SULT1B1: variants seen among roughly 807,000 people sequenced by gnomAD.
SULT1B1 encodes sulfotransferase family 1B member 1, also known as sulfotransferase 1B1.
A neutral mutation model predicts 34.6 loss-of-function variants in SULT1B1; 28 were observed. That is an observed-to-expected ratio of 0.81 (90% CI 0.60 to 1.11). The LOEUF (loss-of-function observed/expected upper bound fraction) is 1.11. Among genes scored for constraint, SULT1B1 ranks in the 50% least tolerant of loss-of-function variants. The pLI, the probability that SULT1B1 is intolerant of heterozygous loss-of-function variation, is 0.00. For synonymous variants in SULT1B1, 147 were observed against 110.2 expected (o/e 1.33, Z -2.09); for missense variants, 374 against 352.2 (o/e 1.06, Z -0.50).
intron 4 of SULT1B1, among the ~76,000 whole-genome samples, chr4:69,734,828 CTTT>C (rs71604563): frequency 2.2e-5 from 3 of 135,676 alleles, no homozygotes; most frequent in Admixed American, 7.4e-5. Context: ...CTTCGCTACT[CTTT>C]TTTTTTTTTT....
intron 4 of SULT1B1, among the ~76,000 whole-genome samples, chr4:69,737,093 G>GA (rs994941251): frequency 6.6e-5 from 10 of 150,820 alleles, no homozygotes; most frequent in Admixed American, 4.6e-4. Context: ...AAAACTCTTA[G>GA]AAAAAAAAGC....
Position 69,735,019 on chromosome 4 carries a change from C to T in SULT1B1, c.376-755G>A, listed in dbSNP as rs1022402195. 2.0e-5 allele frequency among the ~76,000 whole-genome samples: 3 copies of T among 151,928 alleles called. 1 individual carries two copies. Among genetic ancestry groups the T allele is most frequent in the Admixed American group, 1.3e-4 (2 of 15,252 alleles). The stretch of plus-strand genomic sequence containing the variant: ...ATTTTTAGTAGAGACGGGGTTTCAC[C>T]ATGTTAGCCAGGATGGTCTCGATCT... On this transcript the variant is annotated intron_variant, in intron 4 of 7. Coordinates refer to ENST00000310613, the MANE Select transcript of SULT1B1 (RefSeq NM_014465.4).
In SULT1B1 at chr4:69,723,747, G is replaced by C. The variant is rs1717723893; in HGVS notation, c.*3341C>G. ...TATGCAAATCAATAAATGTAATCCAGCATATAAACAGAACCAAAGACAAAA... is the reference window on the plus strand; with the variant it reads ...TATGCAAATCAATAAATGTAATCCACCATATAAACAGAACCAAAGACAAAA... On this transcript the variant is annotated 3_prime_UTR_variant, in exon 8 of 8. Coordinates refer to ENST00000310613, the MANE Select transcript of SULT1B1 (RefSeq NM_014465.4). 6.6e-6 allele frequency: 1 copy of C among 152,082 alleles called. No homozygotes were observed. Among genetic ancestry groups the C allele is most frequent in the Non-Finnish European group, 1.5e-5 (1 of 68,014 alleles). The allele number at this position is 152,082 out of a possible 1,614,324, so 9.4% of individuals were successfully genotyped here.
intron 3 of SULT1B1, 35 bp from the exon 4 acceptor site, chr4:69,749,853 A>C: frequency 6.6e-7 from 1 of 1,518,988 alleles, no homozygotes; most frequent in Non-Finnish European, 9.1e-7. Flanking sequence ...GAAATATTAG[A>C]GTCTCCAGAA....
At chr4:69,759,212 T>C (rs570844554) in intron 1 of SULT1B1, among the ~76,000 whole-genome samples, 1 of 152,326 alleles carries the variant, frequency 6.6e-6, no homozygotes, top group East Asian at 1.9e-4. Context: ...AAACAGATCT[T>C]CAGAGCGTCT....
At chr4:69,742,921 C>T (rs1718607090) in intron 4 of SULT1B1, among the ~76,000 whole-genome samples, 1 of 152,220 alleles carries the variant, frequency 6.6e-6, no homozygotes, top group African/African-American at 2.4e-5. Flanking sequence ...CTGGACCAGG[C>T]ACACCATAAA....
rs1717791705 is a variant in SULT1B1, at chr4:69,725,260, A to G, written c.*1828T>C. On this transcript the variant is annotated 3_prime_UTR_variant, in exon 8 of 8. Coordinates refer to ENST00000310613, the MANE Select transcript of SULT1B1 (RefSeq NM_014465.4). Reference sequence around the variant, plus strand: ...GAAGACATTTATGCAGCCAACAGACACATGAAAAAATGCTCATCATCACTG... The same window carrying G: ...GAAGACATTTATGCAGCCAACAGACGCATGAAAAAATGCTCATCATCACTG... 1 of 152,240 alleles carries G rather than the reference A, an allele frequency of 6.6e-6. No homozygotes were observed. Among genetic ancestry groups the G allele is most frequent in the African/African-American group, 2.4e-5 (1 of 41,472 alleles). The allele number at this position is 152,240 out of a possible 1,614,324, so 9.4% of individuals were successfully genotyped here. A position where few individuals can be genotyped will look rare whatever the true frequency, so the allele number is the denominator to read the frequency against.
intron 3 of SULT1B1, among the ~76,000 whole-genome samples, chr4:69,752,599 T>A (rs2110030688): frequency 6.6e-6 from 1 of 152,336 alleles, no homozygotes; most frequent in Admixed American, 6.5e-5. Flanking sequence ...TTTGTAACTT[T>A]GAAAAATTGA....
chr4:69,730,414 C>T, intron 7 of SULT1B1, 87 bp downstream of exon 7: 1 of 1,264,056 alleles, frequency 7.9e-7, no homozygotes, highest in Non-Finnish European at 1.1e-6. Flanking sequence ...GGCTAAGAAA[C>T]TTAGTAGAGA....
At chr4:69,727,472 T>C (rs561386442) in intron 7 of SULT1B1, among the ~76,000 whole-genome samples, 1 of 152,168 alleles carries the variant, frequency 6.6e-6, no homozygotes, top group African/African-American at 2.4e-5. Flanking sequence ...TTTAAATTCC[T>C]GGGCTTTACA....
At chr4:69,749,944 T>C in intron 3 of SULT1B1, 126 bp from the exon 4 acceptor site, 1 of 653,576 alleles carries the variant, frequency 1.5e-6, no homozygotes, top group Non-Finnish European at 2.8e-6. Context: ...TCTGAAACAA[T>C]CACAGGCATT....
At chr4:69,736,897 T>A (rs1718339746) in intron 4 of SULT1B1, among the ~76,000 whole-genome samples, 1 of 152,006 alleles carries the variant, frequency 6.6e-6, no homozygotes. Flanking sequence ...TGTTTAGAGT[T>A]ACACAATGAT....
intron 3 of SULT1B1, among the ~76,000 whole-genome samples, chr4:69,753,271 G>C (rs1415806373): frequency 1.3e-5 from 2 of 152,106 alleles, no homozygotes; most frequent in Non-Finnish European, 2.9e-5. Flanking sequence ...AAATAAAACT[G>C]TCATTTTTCT....
intron 3 of SULT1B1, among the ~76,000 whole-genome samples, chr4:69,750,242 G>A (rs933746391): frequency 6.6e-5 from 10 of 152,048 alleles, no homozygotes; most frequent in South Asian, 4.1e-4. Flanking sequence ...ACTGGCTATC[G>A]TGTTGTATTA....
intron 1 of SULT1B1, among the ~76,000 whole-genome samples, chr4:69,755,970 A>G (rs1560532370): frequency 2.0e-5 from 3 of 151,906 alleles, no homozygotes; most frequent in African/African-American, 4.8e-5. Context: ...TTAGTTTTTT[A>G]AAAAGCTTTT....
In SULT1B1 at chr4:69,721,313, A is replaced by C. The variant is rs950093660; in HGVS notation, c.*5775T>G. The stretch of plus-strand genomic sequence containing the variant: ...ATCATACATAAGAAGACATTTGTGA[A>C]GACAGCTTACATAATAAAAACAATT... On this transcript the variant is annotated 3_prime_UTR_variant, in exon 8 of 8. Transcript: ENST00000310613. The C allele has an allele frequency of 1.3e-4, 20 of 152,142 alleles. No homozygotes were observed. Among genetic ancestry groups the C allele is most frequent in the Non-Finnish European group, 2.5e-4 (17 of 68,010 alleles). 9.4% of individuals were successfully genotyped at this position (152,142 alleles called of 1,614,324 possible). A position where few individuals can be genotyped will look rare whatever the true frequency, so the allele number is the denominator to read the frequency against.
At chr4:69,734,045 G>GAA (rs1212999774) in intron 5 of SULT1B1, 93 bp downstream of exon 5, 1 of 1,099,242 alleles carries the variant, frequency 9.1e-7, no homozygotes, top group African/African-American at 1.6e-5. Context: ...CACTAGATTG[G>GAA]AAAAATAAGT....
chr4:69,754,795 G>A lies in SULT1B1; in HGVS notation c.152C>T (p.Thr51Ile). Residue 51 changes from threonine (T) to isoleucine (I), a missense_variant, in exon 3 of 8, where the codon ACT becomes ATT. Thr to Ile is a moderately conservative substitution (Grantham distance 89, BLOSUM62 -1). Coordinates refer to ENST00000310613, the MANE Select transcript of SULT1B1 (RefSeq NM_014465.4). ...GTCTATAATTTCACTAACCCAAGTAGTACCTGTGACAAAAGGCAACATTTT... is the reference window on the plus strand; with the variant it reads ...GTCTATAATTTCACTAACCCAAGTAATACCTGTGACAAAAGGCAACATTTT... ...IVIATYPKSG[T>I]TWVSEIIDMI... 2 of 1,608,932 alleles carry A rather than the reference G, an allele frequency of 1.2e-6. No individual in the cohort carries two copies. Among genetic ancestry groups the A allele is most frequent in the Non-Finnish European group, 1.7e-6 (2 of 1,177,982 alleles).
intron 3 of SULT1B1, among the ~76,000 whole-genome samples, chr4:69,751,613 G>A (rs1480020596): frequency 3.3e-5 from 5 of 152,200 alleles, no homozygotes; most frequent in Non-Finnish European, 5.9e-5. Context: ...CACCACGCCC[G>A]GCTAATTTTT....
Sources: gnomAD v4.1 joint callset for allele counts (sites outside exome capture counted in the v4.1 genomes callset) on GRCh38, gnomAD v4.1.1 for gene constraint, MANE v1.5 for transcripts, NCBI Gene and HGNC (gene_info 2026-07-23, HGNC 2026-07-21) for gene names.